Variants in KAZN observed in about 807,000 individuals in gnomAD.
KAZN encodes the protein kazrin.
A neutral mutation model predicts 87.4 loss-of-function variants in KAZN; 40 were observed. The observed-to-expected ratio is 0.46, with a 90% CI of 0.36 to 0.60. KAZN has a LOEUF of 0.60. Among genes scored for constraint, KAZN ranks in the 20% least tolerant of loss-of-function variants. KAZN has a pLI of 0.00. For missense variants in KAZN, 898 were observed against 1,073.9 expected, an observed-to-expected ratio of 0.84 and a Z score of 2.29; for synonymous variants, 466 against 458.3, an observed-to-expected ratio of 1.02 and a Z score of -0.22.
intron 1 of KAZN, among the ~76,000 whole-genome samples, chr1:13,973,885 G>A (rs184776711): frequency 2.0e-5 from 3 of 152,242 alleles, no homozygotes; most frequent in South Asian, 2.1e-4. Flanking sequence ...CCCCTGCATC[G>A]GGTGTCCCCA....
chr1:14,691,754 C>G (rs905765735), intron 1 of KAZN, among the ~76,000 whole-genome samples: 1 of 152,050 alleles, frequency 6.6e-6, no homozygotes, highest in Non-Finnish European at 1.5e-5. Flanking sequence ...CCCAGAGTGC[C>G]GTGATTACAG....
chr1:14,991,411 T>C (rs1667347942), intron 2 of KAZN, among the ~76,000 whole-genome samples: 1 of 152,106 alleles, frequency 6.6e-6, no homozygotes, highest in Non-Finnish European at 1.5e-5. Flanking sequence ...CTTGGACTCC[T>C]GTCCTCCAGA....
chr1:14,100,400 G>T (rs923751608), intron 1 of KAZN, among the ~76,000 whole-genome samples: 1 of 152,148 alleles, frequency 6.6e-6, no homozygotes, highest in Non-Finnish European at 1.5e-5. Flanking sequence ...AGGACCCAGC[G>T]CACAGTTGCA....
intron 1 of KAZN, among the ~76,000 whole-genome samples, chr1:13,921,692 C>T (rs1161329490): frequency 6.6e-6 from 1 of 152,024 alleles, no homozygotes; most frequent in Non-Finnish European, 1.5e-5. Context: ...GTGGTGTGAC[C>T]TTGGCTCACT....
intron 1 of KAZN, among the ~76,000 whole-genome samples, chr1:14,613,943 T>G (rs367955195): frequency 1.3e-5 from 2 of 152,326 alleles, no homozygotes; most frequent in East Asian, 3.9e-4. Flanking sequence ...CTGATTAACC[T>G]GTAATTTGGG....
At chr1:13,895,907 A>G (rs1440850182) in intron 1 of KAZN, among the ~76,000 whole-genome samples, 1 of 152,174 alleles carries the variant, frequency 6.6e-6, no homozygotes, top group Admixed American at 6.5e-5. Context: ...AGAGAATTAC[A>G]CAAAATGTGA....
intron 2 of KAZN, among the ~76,000 whole-genome samples, chr1:14,499,037 G>A (rs1670101470): frequency 6.6e-6 from 1 of 152,034 alleles, no homozygotes; most frequent in Admixed American, 6.5e-5. Context: ...CTTATTGACG[G>A]TACCATTGCT....
chr1:14,479,894 A>ACCTT (rs1378895054), intron 2 of KAZN, among the ~76,000 whole-genome samples: 106 of 152,220 alleles, frequency 7.0e-4, no homozygotes, highest in African/African-American at 2.5e-3. Flanking sequence ...AAAAGTGTGG[A>ACCTT]GCATCTGTTC....
At chr1:14,324,429 C>T (rs1300090267) in intron 2 of KAZN, among the ~76,000 whole-genome samples, 4 of 152,162 alleles carry the variant, frequency 2.6e-5, no homozygotes, top group African/African-American at 7.2e-5. Flanking sequence ...ATCTCTGCCC[C>T]ACAAAGTGCT....
intron 1 of KAZN, among the ~76,000 whole-genome samples, chr1:13,910,367 G>A (rs757095072): frequency 5.9e-5 from 9 of 152,056 alleles, no homozygotes; most frequent in Admixed American, 1.3e-4. Context: ...AATTAGCTGG[G>A]TGTGGTGGTG....
intron 1 of KAZN, among the ~76,000 whole-genome samples, chr1:14,776,967 G>GAAAAAAAA (rs1450009750): frequency 6.8e-6 from 1 of 147,642 alleles, no homozygotes; most frequent in African/African-American, 2.5e-5. Flanking sequence ...AGACGTCTTT[G>GAAAAAAAA]AAGTCGGTAT....
At chr1:15,051,842 G>A (rs1674442249) in intron 4 of KAZN, among the ~76,000 whole-genome samples, 2 of 152,232 alleles carry the variant, frequency 1.3e-5, no homozygotes, top group South Asian at 4.1e-4. Context: ...GGACCTTGAA[G>A]TTCAGAATGG....
At position 15,096,190 on chromosome 1, in the gene KAZN, C is replaced by T. The variant is rs1332768844; in HGVS notation, c.1547+1257C>T. Among the ~76,000 whole-genome samples, 1 of 152,194 alleles carries T rather than the reference C, an allele frequency of 6.6e-6. No individual in the cohort carries two copies. Among genetic ancestry groups the T allele is most frequent in the Non-Finnish European group, 1.5e-5 (1 of 68,036 alleles). On this transcript the variant is annotated intron_variant, in intron 10 of 14. Transcript: ENST00000376030. This position sits in a 1 kb window ranked among gnomAD's most constrained non-coding sequence, Gnocchi z 4.5. ...TCCCTCCTGCCCCCTTACCCCACAC[C>T]CAGCAGGGTCCATAAACACTGCCTG...
At chr1:14,608,081 A>T (rs1159076659) in intron 1 of KAZN, among the ~76,000 whole-genome samples, 3 of 152,224 alleles carry the variant, frequency 2.0e-5, no homozygotes, top group Non-Finnish European at 4.4e-5. Context: ...GGGGATTAGA[A>T]CACAGGTTCA....
At chr1:15,006,783 G>A (rs148879366) in intron 2 of KAZN, among the ~76,000 whole-genome samples, 25 of 152,160 alleles carry the variant, frequency 1.6e-4, no homozygotes, top group Middle Eastern at 3.4e-3. Context: ...GGGGCTGGGC[G>A]CGGTGGCTCA....
chr1:14,397,378 G>C (rs778279713), intron 2 of KAZN, among the ~76,000 whole-genome samples: 1 of 152,128 alleles, frequency 6.6e-6, no homozygotes, highest in East Asian at 1.9e-4. Context: ...ATATGGTGCA[G>C]AGAGAGAGAA....
At chr1:14,967,600 C>A (rs1314597466) in intron 2 of KAZN, among the ~76,000 whole-genome samples, 2 of 152,158 alleles carry the variant, frequency 1.3e-5, no homozygotes, top group Non-Finnish European at 2.9e-5. Context: ...ATCACAAGGG[C>A]CCTTGAAAGT....
chr1:14,419,012 C>A (rs968033759), intron 2 of KAZN, among the ~76,000 whole-genome samples: 2 of 152,126 alleles, frequency 1.3e-5, no homozygotes, highest in African/African-American at 2.4e-5. Context: ...CAACTGTCAA[C>A]GAGTGTTCAA....
intron 2 of KAZN, among the ~76,000 whole-genome samples, chr1:14,563,506 C>G (rs973958833): frequency 6.6e-6 from 1 of 152,128 alleles, no homozygotes; most frequent in African/African-American, 2.4e-5. Context: ...GCATTTGTAC[C>G]CAGCTGTCCC....
Sources: allele counts gnomAD v4.1 joint callset (sites outside exome capture counted in the v4.1 genomes callset), GRCh38; gene constraint gnomAD v4.1.1; non-coding constraint Gnocchi (gnomAD v3.1); transcripts MANE v1.5; gene names NCBI Gene and HGNC (gene_info 2026-07-23, HGNC 2026-07-21).